The following KIF4A variants were observed in gnomAD, a reference collection of about 807,000 sequenced individuals.
KIF4A encodes the protein chromosome-associated kinesin KIF4A.
Under a neutral mutation model 105.9 loss-of-function variants are expected in KIF4A, and 7 were observed. The ratio of observed to expected loss-of-function variants is 0.07; its 90% CI spans 0.04 to 0.12. The LOEUF (loss-of-function observed/expected upper bound fraction) is 0.12. KIF4A is among the 10% of genes least tolerant of loss of function. The pLI is 1.00. For missense variants in KIF4A, 558 were observed against 929.2 expected, an observed-to-expected ratio of 0.60 and a Z score of 5.19; for synonymous variants, 281 against 331.3, an observed-to-expected ratio of 0.85 and a Z score of 1.65.
intron 7 of KIF4A, among the ~76,000 whole-genome samples, chrX:70,324,652 A>T (rs1489023743): frequency 2.7e-5 from 3 of 111,218 alleles, no homozygotes; most frequent in African/African-American, 9.8e-5. Context: ...TAAACTTTTT[A>T]TTTGCACATT....
chrX:70,325,957 T>C (rs1384864525), intron 7 of KIF4A, among the ~76,000 whole-genome samples: 1 of 112,035 alleles, frequency 8.9e-6, no homozygotes, highest in Non-Finnish European at 1.9e-5. Context: ...TTCAATATTA[T>C]ACACATTGGT....
intron 15 of KIF4A, among the ~76,000 whole-genome samples, chrX:70,356,116 C>CA (rs1251659894): frequency 9.1e-6 from 1 of 110,328 alleles, no homozygotes; most frequent in Non-Finnish European, 1.9e-5. Flanking sequence ...CCTGGCTCCA[C>CA]AAAAAATACA....
rs1371527047 is a variant in KIF4A at position 70,415,177 on chromosome X, CAGG to C, written c.3256-2708_3256-2706del. On this transcript the variant is annotated intron_variant, in intron 28 of 30. Transcript: ENST00000374403. The stretch of plus-strand genomic sequence containing the variant: ...TTATAAGAATGGAAAATGGCACTAT[CAGG>C]AGAATGGGTAAATTGTGGCAACTTC... Among the ~76,000 whole-genome samples, 3 of 112,352 alleles carry C rather than the reference CAGG, an allele frequency of 2.7e-5. No homozygotes were observed. In the East Asian group the frequency reaches 8.3e-4, roughly 31 times the overall value.
chrX:70,337,837 C>A (rs1451172445), intron 10 of KIF4A, among the ~76,000 whole-genome samples: 5 of 112,220 alleles, frequency 4.5e-5, no homozygotes, highest in Non-Finnish European at 9.4e-5. Flanking sequence ...TTAAATCAAA[C>A]CACCATACTG....
intron 15 of KIF4A, among the ~76,000 whole-genome samples, chrX:70,356,857 G>A (rs2086053607): frequency 8.9e-6 from 1 of 111,872 alleles, no homozygotes; most frequent in African/African-American, 3.2e-5. Flanking sequence ...CACCCTTTTT[G>A]TTTAAATGAG....
At chrX:70,401,545 C>T (rs775030155) in intron 22 of KIF4A, among the ~76,000 whole-genome samples, 1 of 109,471 alleles carries the variant, frequency 9.1e-6, no homozygotes, top group South Asian at 4.0e-4. Context: ...GGATTACAGG[C>T]ACCCACCACC....
intron 15 of KIF4A, among the ~76,000 whole-genome samples, chrX:70,359,437 TTCTCTC>T (rs777564349): frequency 9.6e-6 from 1 of 104,509 alleles, no homozygotes; most frequent in East Asian, 3.1e-4. Flanking sequence ...CTTTCTTTCT[TTCTCTC>T]TCTCTCTCTC....
chrX:70,317,801 C>G (rs568067894), intron 7 of KIF4A, among the ~76,000 whole-genome samples: 32 of 111,176 alleles, frequency 2.9e-4, no homozygotes, highest in African/African-American at 1.0e-3. Context: ...GCCTTAGCCT[C>G]CCAAAGTGTT....
In KIF4A at chrX:70,406,889, C is replaced by G. The variant is rs10482161; in HGVS notation, c.3073-4C>G. 7 of 1,209,133 alleles carry G rather than the reference C, an allele frequency of 5.8e-6. No individual in the cohort carries two copies. The highest frequency in any genetic ancestry group is 7.8e-6 in the Non-Finnish European group (7 of 894,395). ...ACTAAACTACTCCAAACCTTTTTTC[C>G]TAGCCAAAACCTTCTCGTGTTAAAG... On this transcript the variant is annotated splice_polypyrimidine_tract_variant and splice_region_variant and intron_variant, in intron 27 of 30. Coordinates refer to ENST00000374403, the MANE Select transcript of KIF4A (RefSeq NM_012310.5).
intron 29 of KIF4A, among the ~76,000 whole-genome samples, chrX:70,419,079 C>T (rs1338415960): frequency 1.0e-5 from 1 of 100,353 alleles, no homozygotes; most frequent in Non-Finnish European, 2.0e-5. Context: ...AGCGAGACTC[C>T]ATCTCAAAAA....
chrX:70,409,101 G>C (rs1488564554), intron 28 of KIF4A, among the ~76,000 whole-genome samples: 1 of 111,482 alleles, frequency 9.0e-6, no homozygotes, highest in Non-Finnish European at 1.9e-5. Flanking sequence ...CTGACCTCAG[G>C]TGATCTGCCC....
In KIF4A at chrX:70,405,849, C is replaced by A. The variant is rs759992616; in HGVS notation, c.2920C>A (p.Arg974=). The A allele has an allele frequency of 7.5e-6, 9 of 1,205,743 alleles. No homozygotes were observed. The highest frequency in any genetic ancestry group is 2.3e-4 in the Middle Eastern group (1 of 4,367). Residue 974 remains arginine (R), a synonymous_variant, in exon 26 of 31, where the codon CGA becomes AGA. Coordinates refer to ENST00000374403, the MANE Select transcript of KIF4A (RefSeq NM_012310.5). ...KCQDEELEKM[R]EVCEQNQQLL... The stretch of plus-strand genomic sequence containing the variant: ...ATAGGATGAAGAACTTGAGAAAATG[C>A]GAGAAGTGTGTGAGCAAAATCAGCA...
intron 15 of KIF4A, among the ~76,000 whole-genome samples, chrX:70,358,221 G>T (rs1055719364): frequency 2.2e-4 from 24 of 111,199 alleles, no homozygotes; most frequent in African/African-American, 3.3e-5. Flanking sequence ...TTCTTTTCTC[G>T]TTTATTGTGC....
At chrX:70,389,562 G>A (rs1382771695) in intron 20 of KIF4A, among the ~76,000 whole-genome samples, 11 of 112,578 alleles carry the variant, frequency 9.8e-5, no homozygotes, top group East Asian at 2.8e-4. Flanking sequence ...GCGAGGCTTC[G>A]TCTCAAAAAA....
intron 15 of KIF4A, among the ~76,000 whole-genome samples, chrX:70,371,599 G>A (rs1291686251): frequency 1.1e-3 from 114 of 106,515 alleles, no homozygotes; most frequent in Non-Finnish European, 1.2e-3. Context: ...CTGGCCGGGC[G>A]GGGGGCTGAC....
Position 70,333,681 on chromosome X carries a change from A to T in KIF4A, c.1125A>T (p.Gly375=), listed in dbSNP as rs2085940056. The T allele has an allele frequency of 3.4e-6, 4 of 1,162,342 alleles. No individual in the cohort carries two copies. In the African/African-American group the frequency reaches 7.0e-5, roughly 20 times the overall value. Residue 375 remains glycine (G), a synonymous_variant, in exon 10 of 31, where the codon GGA becomes GGT. Transcript: ENST00000374403. ...LLQAHGGTLP[G]SITVEPSENL... ...AGGCCCATGGAGGTACCCTGCCTGG[A>T]TCTATAACGTAAGAGTCATAGATTA...
chrX:70,360,376 C>T (rs753998266), intron 15 of KIF4A, among the ~76,000 whole-genome samples: 289 of 112,040 alleles, frequency 2.6e-3, no homozygotes, highest in Non-Finnish European at 4.4e-3. Context: ...TAGACAAGTG[C>T]TGGGGGGTGG....
chrX:70,383,926 A>G (rs1212428247), intron 18 of KIF4A, among the ~76,000 whole-genome samples: 5 of 112,008 alleles, frequency 4.5e-5, no homozygotes, highest in Admixed American at 9.5e-5. Flanking sequence ...ACTAAACAGT[A>G]TATTTCTTTT....
At chrX:70,392,995 T>C (rs1294681391) in intron 20 of KIF4A, among the ~76,000 whole-genome samples, 2 of 108,595 alleles carry the variant, frequency 1.8e-5, no homozygotes, top group African/African-American at 6.7e-5. Context: ...TGGATTTATT[T>C]TGGTCTTCTT....
Sources: allele counts gnomAD v4.1 joint callset (sites outside exome capture counted in the v4.1 genomes callset), GRCh38; gene constraint gnomAD v4.1.1; transcripts MANE v1.5; gene names NCBI Gene and HGNC (gene_info 2026-07-23, HGNC 2026-07-21).